MCTP1: variants seen among roughly 807,000 people sequenced by gnomAD.
MCTP1 encodes multiple C2 and transmembrane domain-containing protein 1.
Under a neutral mutation model 120.6 loss-of-function variants are expected in MCTP1, and 69 were observed. The observed-to-expected ratio is 0.57, with a 90% CI of 0.47 to 0.70. The LOEUF (loss-of-function observed/expected upper bound fraction) is 0.70, where lower values mean the gene tolerates loss of function less well. Among genes scored for constraint, MCTP1 ranks in the 30% least tolerant of loss-of-function variants. The pLI is 0.00. For synonymous variants in MCTP1, 529 were observed against 493.1 expected (o/e 1.07, Z -0.96); for missense variants, 1,203 against 1,248.8 (o/e 0.96, Z 0.55).
intron 19 of MCTP1, among the ~76,000 whole-genome samples, chr5:94,730,507 G>A (rs1341485353): frequency 6.6e-6 from 1 of 152,178 alleles, no homozygotes; most frequent in Admixed American, 6.5e-5. Context: ...TGGGAAAAGG[G>A]CAGATGAAGA....
chr5:95,099,859 A>G (rs150189867), intron 1 of MCTP1, among the ~76,000 whole-genome samples: 1 of 149,662 alleles, frequency 6.7e-6, no homozygotes. Context: ...AATAGCAAAG[A>G]CTTGGAACCA....
intron 1 of MCTP1, among the ~76,000 whole-genome samples, chr5:95,265,045 C>T (rs187208527): frequency 1.4e-3 from 206 of 152,212 alleles, no homozygotes; most frequent in Admixed American, 2.2e-3. Context: ...ATGAACAGCC[C>T]GTCCCTGGTG....
intron 17 of MCTP1, among the ~76,000 whole-genome samples, chr5:94,834,644 T>C (rs991307885): frequency 2.0e-5 from 3 of 152,028 alleles, no homozygotes; most frequent in Non-Finnish European, 4.4e-5. Context: ...AGAGACATCA[T>C]AGCGCAATTC....
intron 1 of MCTP1, among the ~76,000 whole-genome samples, chr5:95,278,962 C>CAAAAAAAAAA (rs113219166): frequency 2.5e-5 from 2 of 80,950 alleles, no homozygotes; most frequent in Admixed American, 1.4e-4. Context: ...AACTCCGTCT[C>CAAAAAAAAAA]AAAAAAAAAA....
chr5:94,938,379 G>A (rs1157591494), intron 5 of MCTP1, among the ~76,000 whole-genome samples: 1 of 151,970 alleles, frequency 6.6e-6, no homozygotes, highest in East Asian at 1.9e-4. Context: ...AACTCCAGTA[G>A]TTTTTTAATT....
chr5:94,959,555 T>C (rs1002457366), intron 2 of MCTP1, among the ~76,000 whole-genome samples: 1 of 152,140 alleles, frequency 6.6e-6, no homozygotes, highest in African/African-American at 2.4e-5. Context: ...TAAGCTGATA[T>C]GCAACTTCAG....
At chr5:94,736,443 A>C (rs1764268987) in intron 19 of MCTP1, among the ~76,000 whole-genome samples, 1 of 152,182 alleles carries the variant, frequency 6.6e-6, no homozygotes, top group Admixed American at 6.5e-5. Flanking sequence ...AAATTGTGCC[A>C]CTGCACTCCA....
In MCTP1 at chr5:94,707,253, A is replaced by G. The variant is rs1754876127; in HGVS notation, c.*243T>C. 2.5e-6 allele frequency: 1 copy of G among 406,448 alleles called. No homozygotes were observed. Among genetic ancestry groups the G allele is most frequent in the Admixed American group, 4.1e-5 (1 of 24,162 alleles). The allele number at this position is 406,448 out of a possible 1,614,324, so 25.2% of individuals were successfully genotyped here. ...TATATTTGTTCTTTCAGTGTGTTATATTATTATCCACAGCTAACAAGGTTT... is the reference window on the plus strand; with the variant it reads ...TATATTTGTTCTTTCAGTGTGTTATGTTATTATCCACAGCTAACAAGGTTT... On this transcript the variant is annotated 3_prime_UTR_variant, in exon 23 of 23. Coordinates refer to ENST00000515393, the MANE Select transcript of MCTP1 (RefSeq NM_024717.7).
intron 7 of MCTP1, among the ~76,000 whole-genome samples, chr5:94,923,150 A>G (rs888251242): frequency 7.2e-5 from 11 of 152,310 alleles, no homozygotes; most frequent in South Asian, 2.1e-4. Context: ...AAAATTCTAA[A>G]GAAAAAAGGT....
Position 95,284,446 on chromosome 5 carries a change from C to G in MCTP1, c.130G>C (p.Gly44Arg), listed in dbSNP as rs1294484127. ...TCCGCAGTGCGGCGCTCTGGACCCC[C>G]AGCGCGCCCGCCCCCGCCGCCCTTG... is the stretch of plus-strand genomic sequence containing the variant. ...RSKGGGGGRA[G>R]GPERRTADTP... is the part of the protein sequence containing the mutation. The change falls in exon 1 of 23, where the codon GGG becomes CGG. Residue 44 changes from glycine to arginine, a missense_variant. Around this residue, in one of 2 missense-constraint regions of MCTP1, gnomAD observed 463 missense variants for 377.8 expected, o/e 1.23. Coordinates refer to ENST00000515393, the MANE Select transcript of MCTP1 (RefSeq NM_024717.7). The surrounding 1 kb of genome is among the most constrained non-coding windows in gnomAD (Gnocchi z 5.2). 1 of 1,523,690 alleles carries G rather than the reference C, an allele frequency of 6.6e-7. No homozygotes were observed. The highest frequency in any genetic ancestry group is 1.2e-5 in the South Asian group (1 of 82,906). The allele number at this position is 1,523,690 out of a possible 1,614,324, so 94.4% of individuals were successfully genotyped here. A position where few individuals can be genotyped will look rare whatever the true frequency, so the allele number is the denominator to read the frequency against.
At chr5:94,865,326 T>C (rs1189305944) in intron 17 of MCTP1, among the ~76,000 whole-genome samples, 1 of 151,802 alleles carries the variant, frequency 6.6e-6, no homozygotes, top group Non-Finnish European at 1.5e-5. Flanking sequence ...TTTTGGATAG[T>C]AAAGTAGAAA....
intron 1 of MCTP1, among the ~76,000 whole-genome samples, chr5:95,090,544 G>C (rs1755771277): frequency 6.6e-6 from 1 of 152,194 alleles, no homozygotes. Flanking sequence ...ACAGATACAC[G>C]TGGAGTTGTG....
intron 1 of MCTP1, among the ~76,000 whole-genome samples, chr5:95,175,149 A>C (rs1328575638): frequency 6.6e-6 from 1 of 152,226 alleles, no homozygotes; most frequent in African/African-American, 2.4e-5. Context: ...CAATTTTTTG[A>C]GTTAAAAATT....
At chr5:95,236,396 A>C (rs1726336257) in intron 1 of MCTP1, among the ~76,000 whole-genome samples, 1 of 152,150 alleles carries the variant, frequency 6.6e-6, no homozygotes, top group Non-Finnish European at 1.5e-5. Context: ...TTCTTCCTAA[A>C]CGCCATTCTA....
intron 19 of MCTP1, among the ~76,000 whole-genome samples, chr5:94,766,480 CTT>C (rs1772754260): frequency 6.6e-6 from 1 of 151,686 alleles, no homozygotes; most frequent in African/African-American, 2.4e-5. Flanking sequence ...AATGAGAACA[CTT>C]AGCCACAGGG....
intron 2 of MCTP1, among the ~76,000 whole-genome samples, chr5:94,972,070 T>C (rs1352206996): frequency 1.3e-5 from 2 of 152,172 alleles, no homozygotes; most frequent in Non-Finnish European, 2.9e-5. Flanking sequence ...GTGGTCTCTC[T>C]GCCTTCCTTC....
intron 17 of MCTP1, among the ~76,000 whole-genome samples, chr5:94,809,961 A>G (rs979623999): frequency 4.6e-5 from 7 of 152,152 alleles, no homozygotes; most frequent in African/African-American, 1.2e-4. Flanking sequence ...GGAAGAAAAA[A>G]AAGTGTTTTA....
intron 1 of MCTP1, among the ~76,000 whole-genome samples, chr5:95,094,290 C>G (rs1393579713): frequency 6.6e-6 from 1 of 152,174 alleles, no homozygotes; most frequent in African/African-American, 2.4e-5. Flanking sequence ...TGTCCAAGAT[C>G]TTTCTCTTTT....
At chr5:95,249,518 G>C (rs574326313) in intron 1 of MCTP1, among the ~76,000 whole-genome samples, 75 of 152,298 alleles carry the variant, frequency 4.9e-4, no homozygotes, top group Non-Finnish European at 7.2e-4. Flanking sequence ...ACAGATGATG[G>C]AGAGGATGTG....
Sources: gnomAD v4.1 joint callset for allele counts (sites outside exome capture counted in the v4.1 genomes callset) on GRCh38, gnomAD v4.1.1 for gene constraint, gnomAD v4.1.1 regional missense constraint, Gnocchi (gnomAD v3.1) non-coding constraint, MANE v1.5 for transcripts, NCBI Gene and HGNC (gene_info 2026-07-23, HGNC 2026-07-21) for gene names.